Variants in RIMBP2 observed in about 807,000 individuals in gnomAD.
The protein encoded by RIMBP2 is RIMS binding protein 2.
A neutral mutation model predicts 118.6 loss-of-function variants in RIMBP2; 48 were observed. The ratio of observed to expected loss-of-function variants is 0.40; its 90% CI spans 0.32 to 0.51. The LOEUF (loss-of-function observed/expected upper bound fraction) is 0.51. RIMBP2 is among the 20% of genes least tolerant of loss of function. The pLI, the probability that RIMBP2 is intolerant of heterozygous loss-of-function variation, is 0.41. For missense variants in RIMBP2, 1,551 were observed against 1,768.3 expected (o/e 0.88, Z 2.20); for synonymous variants, 762 against 742.9 (o/e 1.03, Z -0.42).
intron 1 of RIMBP2, among the ~76,000 whole-genome samples, chr12:130,712,552 G>A (rs1051776221): frequency 6.6e-6 from 1 of 152,162 alleles, no homozygotes; most frequent in Non-Finnish European, 1.5e-5. Context: ...AAGGTGTGCC[G>A]TCGCCTCCCA....
At chr12:130,644,005 C>T (rs1013390474) in intron 1 of RIMBP2, among the ~76,000 whole-genome samples, 13 of 152,206 alleles carry the variant, frequency 8.5e-5, no homozygotes, top group African/African-American at 2.9e-4. Context: ...AGATCCCAGG[C>T]GGCTGGCACA....
At chr12:130,645,319 A>C (rs2062813101) in intron 1 of RIMBP2, among the ~76,000 whole-genome samples, 4 of 152,250 alleles carry the variant, frequency 2.6e-5, no homozygotes, top group Admixed American at 2.6e-4. Flanking sequence ...TCTACAAATC[A>C]CAGCTTTTAC....
chr12:130,537,843 G>A (rs558714503), intron 2 of RIMBP2, among the ~76,000 whole-genome samples: 3 of 152,302 alleles, frequency 2.0e-5, no homozygotes, highest in African/African-American at 4.8e-5. Context: ...CTATGTCAGC[G>A]CTCAGGTCTA....
chr12:130,534,354 C>T (rs1221865709), intron 2 of RIMBP2, among the ~76,000 whole-genome samples: 2 of 151,806 alleles, frequency 1.3e-5, no homozygotes, highest in Non-Finnish European at 2.9e-5. Flanking sequence ...TGGCTCACGC[C>T]TGTAATCCCA....
chr12:130,396,623 G>GAATAGAACATTA lies in RIMBP2; in HGVS notation c.*726_*737dup, dbSNP rs2136227880. On this transcript the variant is annotated 3_prime_UTR_variant, in exon 23 of 23. Transcript: ENST00000690449. Reference sequence around the variant, plus strand: ...AAGTAACAGAAAACCATATGCCACAGAATAGAACATTAAAAGCAATGAAGA... The same window carrying GAATAGAACATTA: ...AAGTAACAGAAAACCATATGCCACAGAATAGAACATTAAATAGAACATTAAAAGCAATGAAGA... 1 of 152,772 alleles carries GAATAGAACATTA rather than the reference G, an allele frequency of 6.5e-6. No homozygotes were observed. The highest frequency in any genetic ancestry group is 6.5e-5 in the Admixed American group (1 of 15,288). The allele number at this position is 152,772 out of a possible 1,614,324, so 9.5% of individuals were successfully genotyped here.
At chr12:130,505,354 T>C (rs2050199418) in intron 4 of RIMBP2, among the ~76,000 whole-genome samples, 1 of 152,016 alleles carries the variant, frequency 6.6e-6, no homozygotes, top group African/African-American at 2.4e-5. Context: ...CAGTGCCCCA[T>C]GGTTTTGGCA....
chr12:130,476,571 C>T (rs147815408), intron 5 of RIMBP2, among the ~76,000 whole-genome samples: 52 of 152,306 alleles, frequency 3.4e-4, no homozygotes, highest in African/African-American at 1.2e-3. Flanking sequence ...TCCCTGGATG[C>T]GCTGGGCTGG....
At chr12:130,462,714 T>C (rs1339699753) in intron 6 of RIMBP2, among the ~76,000 whole-genome samples, 1 of 152,196 alleles carries the variant, frequency 6.6e-6, no homozygotes, top group Non-Finnish European at 1.5e-5. Context: ...ATGAGCATCA[T>C]GGGGCCAAAG....
chr12:130,580,761 G>A (rs2058419190), intron 2 of RIMBP2, among the ~76,000 whole-genome samples: 1 of 152,084 alleles, frequency 6.6e-6, no homozygotes, highest in Non-Finnish European at 1.5e-5. Flanking sequence ...CCAACATGGT[G>A]AAACCCCATC....
chr12:130,520,164 T>C (rs1415948409), intron 2 of RIMBP2, among the ~76,000 whole-genome samples: 1 of 152,196 alleles, frequency 6.6e-6, no homozygotes, highest in Non-Finnish European at 1.5e-5. Context: ...ATCTATTTAT[T>C]TTATTTATAT....
In RIMBP2 at chr12:130,422,069, G is replaced by T. The variant is rs1001805040; in HGVS notation, c.3238+384C>A. On this transcript the variant is annotated intron_variant, in intron 17 of 22. Coordinates refer to ENST00000690449, the MANE Select transcript of RIMBP2 (RefSeq NM_001393629.1). This position sits in a 1 kb window ranked among gnomAD's most constrained non-coding sequence, Gnocchi z 5.2. ...CTGCAGACAGGCAGCATTCCCTCGG[G>T]TGGGGCTCACAGACCCCTGAGGCAC... Among the ~76,000 whole-genome samples the T allele has an allele frequency of 6.6e-6, 1 of 152,150 alleles. No individual in the cohort carries two copies. Among genetic ancestry groups the T allele is most frequent in the Non-Finnish European group, 1.5e-5 (1 of 68,034 alleles).
chr12:130,619,752 C>T (rs1049716738), intron 2 of RIMBP2, among the ~76,000 whole-genome samples: 4 of 152,168 alleles, frequency 2.6e-5, no homozygotes, highest in Non-Finnish European at 4.4e-5. Context: ...TCTCCTAATC[C>T]GAAGCCCTTT....
chr12:130,562,998 C>T (rs1300160765), intron 2 of RIMBP2, among the ~76,000 whole-genome samples: 2 of 152,220 alleles, frequency 1.3e-5, no homozygotes, highest in East Asian at 3.8e-4. Flanking sequence ...TGGCTGTGGA[C>T]AGCTTTTGAC....
At chr12:130,663,718 G>A (rs1055965559) in intron 1 of RIMBP2, among the ~76,000 whole-genome samples, 5 of 151,748 alleles carry the variant, frequency 3.3e-5, no homozygotes, top group Admixed American at 6.6e-5. Context: ...GAGTCAGAAC[G>A]GAACTTCCCG....
rs118081205 is a variant in RIMBP2 at position 130,593,393 on chromosome 12, G to A, written c.-217+34929C>T. 3.8e-3 allele frequency among the ~76,000 whole-genome samples: 572 copies of A among 152,324 alleles called. 1 individual carries two copies. The highest frequency in any genetic ancestry group is 6.5e-3 in the Non-Finnish European group (443 of 68,036). The stretch of plus-strand genomic sequence containing the variant: ...GCACAGTGCCCCGCACAGGGAAGAC[G>A]CTTGAGAAACACTCCTGAACCTACG... On this transcript the variant is annotated intron_variant, in intron 2 of 22. Transcript: ENST00000690449.
chr12:130,608,041 G>T (rs1371731533), intron 2 of RIMBP2, among the ~76,000 whole-genome samples: 1 of 152,164 alleles, frequency 6.6e-6, no homozygotes, highest in Non-Finnish European at 1.5e-5. Flanking sequence ...TCAAAACATT[G>T]ATTTTTTTCC....
At chr12:130,541,070 G>A (rs2054559753) in intron 2 of RIMBP2, among the ~76,000 whole-genome samples, 1 of 152,148 alleles carries the variant, frequency 6.6e-6, no homozygotes, top group African/African-American at 2.4e-5. Context: ...AAGAGGAGGA[G>A]TGATAGCCCT....
rs1282916203 is a variant in RIMBP2 at position 130,586,049 on chromosome 12, T to C, written c.-217+42273A>G. Among the ~76,000 whole-genome samples the C allele has an allele frequency of 2.0e-5, 3 of 152,232 alleles. No homozygotes were observed. The East Asian group carries it at 5.8e-4, about 29-fold the overall frequency. On this transcript the variant is annotated intron_variant, in intron 2 of 22. Transcript: ENST00000690449. ...AGCTTAAAAGTATTTCAAAAGTAGT[T>C]ATGAAAGTGACCACAGGCACTTTCT...
Position 130,638,466 on chromosome 12 carries a change from G to A in RIMBP2, c.-351-10010C>T, listed in dbSNP as rs151211399. Among the ~76,000 whole-genome samples, 108 of 152,336 alleles carry A rather than the reference G, an allele frequency of 7.1e-4. No individual in the cohort carries two copies. The East Asian group carries it at 0.012, about 17-fold the overall frequency. ...GTAAAGGTAGCCTGTTAGGAACGAG[G>A]CCGCACAGCAGGAGGTGAATGGTGG... On this transcript the variant is annotated intron_variant, in intron 1 of 22. Transcript: ENST00000690449.
Sources: gnomAD v4.1 joint callset for allele counts (sites outside exome capture counted in the v4.1 genomes callset) on GRCh38, gnomAD v4.1.1 for gene constraint, Gnocchi (gnomAD v3.1) non-coding constraint, MANE v1.5 for transcripts, NCBI Gene and HGNC (gene_info 2026-07-23, HGNC 2026-07-21) for gene names.